The following VTA1 variants were observed in gnomAD, a reference collection of about 807,000 sequenced individuals.
The protein encoded by VTA1 is vacuolar protein sorting-associated protein VTA1 homolog.
A neutral mutation model predicts 36.9 loss-of-function variants in VTA1; 24 were observed. The ratio of observed to expected loss-of-function variants is 0.65; its 90% CI spans 0.47 to 0.91. The LOEUF (loss-of-function observed/expected upper bound fraction) is 0.91. Ranked by LOEUF, VTA1 falls within the 40% of genes least tolerant of loss-of-function variation. The pLI is 0.00. For synonymous variants in VTA1, 142 were observed against 130.2 expected, an observed-to-expected ratio of 1.09 and a Z score of -0.62; for missense variants, 393 against 377.2, an observed-to-expected ratio of 1.04 and a Z score of -0.35.
chr6:142,173,747 C>T (rs1323637228), intron 4 of VTA1, among the ~76,000 whole-genome samples: 2 of 152,106 alleles, frequency 1.3e-5, no homozygotes, highest in African/African-American at 4.8e-5. Flanking sequence ...ATCTGTATTT[C>T]AGGAGAATAA....
chr6:142,200,581 A>G (rs1775666080), intron 6 of VTA1, among the ~76,000 whole-genome samples: 1 of 152,026 alleles, frequency 6.6e-6, no homozygotes, highest in Admixed American at 6.5e-5. Context: ...ATCGATCCAT[A>G]TGAAATTGCT....
chr6:142,217,544 G>A lies in VTA1; in HGVS notation c.779-954G>A, dbSNP rs114947396. On this transcript the variant is annotated intron_variant, in intron 7 of 7. Transcript: ENST00000367630. ...TGTCAAATTTTTAATTTTATGCTGCGTGTGTGTATTTGTGTATACACACAC... is the reference window on the plus strand; with the variant it reads ...TGTCAAATTTTTAATTTTATGCTGCATGTGTGTATTTGTGTATACACACAC... Among the ~76,000 whole-genome samples the A allele has an allele frequency of 3.7e-3, 561 of 150,864 alleles. 2 individuals are homozygous for A. Among genetic ancestry groups the A allele is most frequent in the African/African-American group, 0.013 (528 of 41,104 alleles).
Position 142,224,027 on chromosome 6 carries a change from A to G in VTA1, c.*5384A>G, listed in dbSNP as rs961745361. 21 of 152,222 alleles carry G rather than the reference A, an allele frequency of 1.4e-4. No homozygotes were observed. Among genetic ancestry groups the G allele is most frequent in the African/African-American group, 5.1e-4 (21 of 41,440 alleles). 9.4% of individuals were successfully genotyped at this position (152,222 alleles called of 1,614,324 possible). ...ACTAAATTGTATCCCTTCAGAATTC[A>G]TATTTTGAAGCACTGATCTCCAGTG... On this transcript the variant is annotated 3_prime_UTR_variant, in exon 8 of 8. Coordinates refer to ENST00000367630, the MANE Select transcript of VTA1 (RefSeq NM_016485.5).
chr6:142,189,472 A>C lies in VTA1; in HGVS notation c.458A>C (p.His153Pro), dbSNP rs779033438. Residue 153 changes from histidine to proline, a missense_variant, in exon 5 of 8, where the codon CAT (histidine) becomes CCT (proline). By Grantham distance (77) the His-to-Pro change is moderately conservative (BLOSUM62 -2). Transcript: ENST00000367630. ...KYARWKATYI[H>P]NCLKNGETPQ... ...GCCAGATGGAAGGCAACATACATCCATAATTGTTTAAAGAATGGGGAGACT... is the reference window on the plus strand; with the variant it reads ...GCCAGATGGAAGGCAACATACATCCCTAATTGTTTAAAGAATGGGGAGACT... 1 of 1,614,150 alleles carries C rather than the reference A, an allele frequency of 6.2e-7. No individual in the cohort carries two copies. The highest frequency in any genetic ancestry group is 8.5e-7 in the Non-Finnish European group (1 of 1,179,994).
chr6:142,194,373 GT>G (rs1279530529), intron 5 of VTA1, among the ~76,000 whole-genome samples: 1 of 152,018 alleles, frequency 6.6e-6, no homozygotes, highest in Non-Finnish European at 1.5e-5. Flanking sequence ...AGAATTAATT[GT>G]CTTTCAGTAC....
At chr6:142,195,954 T>C (rs1317994713) in intron 5 of VTA1, among the ~76,000 whole-genome samples, 1 of 152,172 alleles carries the variant, frequency 6.6e-6, no homozygotes, top group South Asian at 2.1e-4. Context: ...GCATATGATC[T>C]GTCTTGGTGA....
chr6:142,181,094 A>AATATATATATATATATATATATATAT (rs1169535055), intron 4 of VTA1, among the ~76,000 whole-genome samples: 16 of 36,428 alleles, frequency 4.4e-4, no homozygotes, highest in Non-Finnish European at 8.2e-4. Context: ...AAAAAAAAAA[A>AATATATATATATATATATATATATAT]ATATATATAT....
chr6:142,189,787 C>T (rs182692729), intron 5 of VTA1, among the ~76,000 whole-genome samples: 6 of 151,758 alleles, frequency 4.0e-5, no homozygotes, highest in South Asian at 2.1e-4. Flanking sequence ...GACATAGTCT[C>T]GCTCTGTCGC....
intron 4 of VTA1, among the ~76,000 whole-genome samples, chr6:142,170,833 C>A (rs955677405): frequency 1.3e-5 from 2 of 152,004 alleles, no homozygotes; most frequent in Non-Finnish European, 2.9e-5. Context: ...ATGGTTTTAC[C>A]AAGCTGGTGT....
chr6:142,189,791 C>T (rs1173852681), intron 5 of VTA1, among the ~76,000 whole-genome samples: 5 of 151,838 alleles, frequency 3.3e-5, no homozygotes, highest in African/African-American at 2.4e-5. Flanking sequence ...TAGTCTCGCT[C>T]TGTCGCCCAG....
chr6:142,194,068 A>ACC, intron 5 of VTA1, among the ~76,000 whole-genome samples: 1 of 152,040 alleles, frequency 6.6e-6, no homozygotes, highest in African/African-American at 2.4e-5. Context: ...AGGTCCAGTG[A>ACC]TATGGGGCAT....
chr6:142,216,760 A>T (rs1325127056), intron 7 of VTA1, among the ~76,000 whole-genome samples: 1 of 152,196 alleles, frequency 6.6e-6, no homozygotes, highest in East Asian at 1.9e-4. Flanking sequence ...TTAATAAGTG[A>T]TATGTCAGCC....
chr6:142,213,927 C>T (rs1775954133), intron 7 of VTA1, among the ~76,000 whole-genome samples: 1 of 152,152 alleles, frequency 6.6e-6, no homozygotes, highest in African/African-American at 2.4e-5. Context: ...ACTGTCTTGG[C>T]TGTGAACATT....
chr6:142,152,903 A>G (rs1778594951), intron 1 of VTA1, among the ~76,000 whole-genome samples: 1 of 152,102 alleles, frequency 6.6e-6, no homozygotes, highest in Non-Finnish European at 1.5e-5. Flanking sequence ...TCCATGGGCT[A>G]TGTGCTACCC....
At chr6:142,179,229 G>T (rs1283179858) in intron 4 of VTA1, among the ~76,000 whole-genome samples, 1 of 151,956 alleles carries the variant, frequency 6.6e-6, no homozygotes, top group Non-Finnish European at 1.5e-5. Context: ...ATAAATTGTT[G>T]TCTAGAATGT....
rs754205516 is a variant in VTA1, at chr6:142,220,671, C to T, written c.*2028C>T. ...GTCTATGTGGCCCAGTGCTTAAAAA[C>T]GCCTTCTTGCATGAGGGGATTGAAC... On this transcript the variant is annotated 3_prime_UTR_variant, in exon 8 of 8. Transcript: ENST00000367630. 5.9e-5 allele frequency: 9 copies of T among 152,070 alleles called. No homozygotes were observed. Among genetic ancestry groups the T allele is most frequent in the Non-Finnish European group, 1.3e-4 (9 of 68,016 alleles). 9.4% of individuals were successfully genotyped at this position (152,070 alleles called of 1,614,324 possible).
At chr6:142,157,532 CTCAT>C (rs1778684733) in intron 1 of VTA1, among the ~76,000 whole-genome samples, 1 of 152,042 alleles carries the variant, frequency 6.6e-6, no homozygotes, top group Admixed American at 6.5e-5. Flanking sequence ...GTAATGTCAA[CTCAT>C]TTTACATCTC....
intron 5 of VTA1, among the ~76,000 whole-genome samples, chr6:142,192,306 A>C (rs1775469794): frequency 6.6e-6 from 1 of 152,042 alleles, no homozygotes; most frequent in Non-Finnish European, 1.5e-5. Flanking sequence ...TGCTCTGAGC[A>C]TGTTTCATGT....
rs1251796070 is a variant in VTA1, at chr6:142,220,658, C to G, written c.*2015C>G. ...GGAAATCCCAGTTGTCTATGTGGCCCAGTGCTTAAAAACGCCTTCTTGCAT... is the reference window on the plus strand; with the variant it reads ...GGAAATCCCAGTTGTCTATGTGGCCGAGTGCTTAAAAACGCCTTCTTGCAT... On this transcript the variant is annotated 3_prime_UTR_variant, in exon 8 of 8. Transcript: ENST00000367630. 1.3e-5 allele frequency: 2 copies of G among 152,038 alleles called. No individual in the cohort carries two copies. Among genetic ancestry groups the G allele is most frequent in the East Asian group, 3.9e-4 (2 of 5,188 alleles). 9.4% of individuals were successfully genotyped at this position (152,038 alleles called of 1,614,324 possible). A position where few individuals can be genotyped will look rare whatever the true frequency, so the allele number is the denominator to read the frequency against.
Sources: gnomAD v4.1 joint callset for allele counts (sites outside exome capture counted in the v4.1 genomes callset) on GRCh38, gnomAD v4.1.1 for gene constraint, MANE v1.5 for transcripts, NCBI Gene and HGNC (gene_info 2026-07-23, HGNC 2026-07-21) for gene names.